The following UHRF1 variants were observed in gnomAD, a reference collection of about 807,000 sequenced individuals.
UHRF1 encodes the protein ubiquitin like with PHD and ring finger domains 1, also known as E3 ubiquitin-protein ligase UHRF1.
In UHRF1, 9 loss-of-function variants were observed where a neutral mutation model predicts 96.5. That is an observed-to-expected ratio of 0.09 (90% confidence interval 0.06 to 0.16). The LOEUF (loss-of-function observed/expected upper bound fraction) is 0.16, where lower values mean the gene tolerates loss of function less well. Ranked by LOEUF, UHRF1 falls within the 10% of genes least tolerant of loss-of-function variation. The probability of loss-of-function intolerance (pLI) is 1.00; values close to 1 mark genes in which losing one functional copy is unlikely to be tolerated. For missense variants in UHRF1, 626 were observed against 1,131.1 expected (o/e 0.55, Z 6.40); for synonymous variants, 455 against 469.9 (o/e 0.97, Z 0.41).
chr19:4,920,243 C>A (rs1170270711), intron 2 of UHRF1, among the ~76,000 whole-genome samples: 1 of 151,988 alleles, frequency 6.6e-6, no homozygotes. Flanking sequence ...ATCAGCCTGG[C>A]CAACATGGTG....
chr19:4,915,592 A>G (rs1438852925), intron 2 of UHRF1, among the ~76,000 whole-genome samples: 10 of 152,042 alleles, frequency 6.6e-5, no homozygotes, highest in Non-Finnish European at 5.9e-5. Context: ...GCATGTCTGT[A>G]GTTCCACTTA....
chr19:4,935,564 G>A (rs1254442568), intron 5 of UHRF1, among the ~76,000 whole-genome samples: 2 of 150,626 alleles, frequency 1.3e-5, no homozygotes, highest in Non-Finnish European at 1.5e-5. Flanking sequence ...TTTTTAACTT[G>A]GTTCTTGGAG....
intron 11 of UHRF1, among the ~76,000 whole-genome samples, chr19:4,948,529 T>G (rs76763322): frequency 6.6e-6 from 1 of 152,314 alleles, no homozygotes; most frequent in African/African-American, 2.4e-5. Flanking sequence ...CTGGGTGCGG[T>G]GGCTCACGCC....
intron 2 of UHRF1, among the ~76,000 whole-genome samples, chr19:4,916,391 T>A (rs2032502486): frequency 6.6e-6 from 1 of 151,560 alleles, no homozygotes; most frequent in Non-Finnish European, 1.5e-5. Context: ...GCTGTCAACA[T>A]GGCGGAGCCG....
upstream of UHRF1, among the ~76,000 whole-genome samples, chr19:4,908,451 C>T (rs1056822206): frequency 2.0e-5 from 3 of 152,140 alleles, no homozygotes; most frequent in Non-Finnish European, 2.9e-5. Flanking sequence ...TATATCACCC[C>T]TCTGACCTCA....
chr19:4,941,350 C>T (rs17880731), intron 5 of UHRF1, among the ~76,000 whole-genome samples, 178 bp from the exon 6 acceptor site: 5 of 152,048 alleles, frequency 3.3e-5, no homozygotes, highest in African/African-American at 7.2e-5. Context: ...GTATTACAGG[C>T]GTGAGCCACT....
chr19:4,935,544 C>T (rs1458798690), intron 5 of UHRF1, among the ~76,000 whole-genome samples: 2 of 151,410 alleles, frequency 1.3e-5, no homozygotes, highest in Non-Finnish European at 2.9e-5. Context: ...ATGGGGGCTT[C>T]ATTTTTTTTT....
rs1028567808 is a variant in UHRF1 at position 4,930,644 on chromosome 19, C to T, written c.409-72C>T. 40 of 1,539,270 alleles carry T rather than the reference C, an allele frequency of 2.6e-5. No homozygotes were observed. In the East Asian group the frequency reaches 5.2e-4, roughly 20 times the overall value. On this transcript the variant is annotated intron_variant, in intron 3 of 16. Coordinates refer to ENST00000650932, the MANE Select transcript of UHRF1 (RefSeq NM_001048201.3). This position sits in a 1 kb window ranked among gnomAD's most constrained non-coding sequence, Gnocchi z 4.4. ...CCTGGTTCCAGAGCATCCCAGTGTC[C>T]GAGAACCAAGGTGGTCTCCCGTCAG...
intron 13 of UHRF1, among the ~76,000 whole-genome samples, chr19:4,951,405 T>G (rs988006445): frequency 6.6e-6 from 1 of 152,116 alleles, no homozygotes; most frequent in South Asian, 2.1e-4. Context: ...GTGCTCATGT[T>G]CTGGACCGCG....
intron 2 of UHRF1, among the ~76,000 whole-genome samples, chr19:4,918,048 C>T (rs2032581500): frequency 6.6e-6 from 1 of 152,096 alleles, no homozygotes; most frequent in Admixed American, 6.6e-5. Flanking sequence ...CCTTCAGTTT[C>T]CCCCCTGTAG....
At position 4,960,713 on chromosome 19, in the gene UHRF1, C is replaced by T. The variant is rs559518620; in HGVS notation, c.2292C>T (p.Tyr764=). ...TGTTCAGCTGCCCTGCCTGCCGCTA[C>T]GACCTGGGCCGCAGCTATGCCATGC... ...AQVFSCPACR[Y]DLGRSYAMQV... The change falls in exon 17 of 17, where the codon TAC becomes TAT. Residue 764 remains tyrosine (Y), a synonymous_variant. Coordinates refer to ENST00000650932, the MANE Select transcript of UHRF1 (RefSeq NM_001048201.3). 215 of 1,578,158 alleles carry T rather than the reference C, an allele frequency of 1.4e-4. 1 individual carries two copies. The highest frequency in any genetic ancestry group is 5.4e-4 in the Admixed American group (29 of 53,934).
chr19:4,910,985 G>C lies in UHRF1; in HGVS notation c.100G>C (p.Glu34Gln), dbSNP rs761629306. Reference protein sequence around the residue: ...KVEELRRKIQELFHVEPGLQR... With the variant: ...KVEELRRKIQQLFHVEPGLQR... ...GGAGGAGCTGAGGCGGAAGATCCAG[G>C]AGCTGTTCCACGTGGAGCCAGGCCT... is the stretch of plus-strand genomic sequence containing the variant. The change falls in exon 2 of 17, where the codon GAG (glutamate) becomes CAG (glutamine). Residue 34 changes from glutamate (E) to glutamine (Q), a missense_variant. Physicochemically the swap from Glu to Gln is conservative, Grantham distance 29 (BLOSUM62 2). This residue lies in a region of UHRF1 where 32 missense variants were observed against 46.8 expected (regional missense o/e 0.68). Transcript: ENST00000650932. 7 of 1,612,400 alleles carry C rather than the reference G, an allele frequency of 4.3e-6. No individual in the cohort carries two copies. The highest frequency in any genetic ancestry group is 5.9e-6 in the Non-Finnish European group (7 of 1,179,034).
intron 2 of UHRF1, among the ~76,000 whole-genome samples, chr19:4,922,702 T>C (rs2032741483): frequency 6.6e-6 from 1 of 152,230 alleles, no homozygotes. Flanking sequence ...CTTTGGGGCC[T>C]TTCTGCAATG....
At chr19:4,946,053 G>A in intron 10 of UHRF1, 88 bp downstream of exon 10, 1 of 1,073,498 alleles carries the variant, frequency 9.3e-7, no homozygotes, top group Non-Finnish European at 1.3e-6. Context: ...TCCCATCCTA[G>A]CCGTTTTTAA....
At chr19:4,910,786 C>T in intron 1 of UHRF1, 90 bp from the exon 2 acceptor site, 4 of 1,449,040 alleles carry the variant, frequency 2.8e-6, no homozygotes, top group South Asian at 3.0e-5. Context: ...GTCCACAGGC[C>T]GGACAAAAGC....
At chr19:4,953,135 C>T (rs958967456) in intron 13 of UHRF1, among the ~76,000 whole-genome samples, 8 of 152,086 alleles carry the variant, frequency 5.3e-5, no homozygotes, top group African/African-American at 1.9e-4. Context: ...GGAGCTTGGC[C>T]GATTATCTCC....
At chr19:4,939,955 T>C (rs970886633) in intron 5 of UHRF1, among the ~76,000 whole-genome samples, 8 of 139,064 alleles carry the variant, frequency 5.8e-5, no homozygotes, top group South Asian at 4.5e-4. Flanking sequence ...ACCCGGGAGG[T>C]GGAGCTTGCA....
chr19:4,921,611 C>T (rs977849053), intron 2 of UHRF1, among the ~76,000 whole-genome samples: 1 of 152,032 alleles, frequency 6.6e-6, no homozygotes, highest in Admixed American at 6.6e-5. Context: ...AAAAAACTTT[C>T]TGGACGTGAT....
At position 4,960,245 on chromosome 19, in the gene UHRF1, T is replaced by G. The variant is rs549209177; in HGVS notation, c.2236-412T>G. Among the ~76,000 whole-genome samples, 7 of 152,338 alleles carry G rather than the reference T, an allele frequency of 4.6e-5. No individual in the cohort carries two copies. The South Asian group carries it at 1.4e-3, about 32-fold the overall frequency. ...AAAGCTCAGGGAGCATCTGCCCTGT[T>G]GTAGATAAGATAAGCACATTAATAA... On this transcript the variant is annotated intron_variant, in intron 16 of 16. Transcript: ENST00000650932.
Sources: allele counts gnomAD v4.1 joint callset (sites outside exome capture counted in the v4.1 genomes callset), GRCh38; gene constraint gnomAD v4.1.1; regional missense constraint gnomAD v4.1.1; non-coding constraint Gnocchi (gnomAD v3.1); transcripts MANE v1.5; gene names NCBI Gene and HGNC (gene_info 2026-07-23, HGNC 2026-07-21).